The following WDR12 variants were observed in gnomAD, a reference collection of about 807,000 sequenced individuals.
WDR12 encodes the protein WD repeat domain 12, also known as ribosome biogenesis protein WDR12.
A neutral mutation model predicts 64.3 loss-of-function variants in WDR12; 42 were observed. The observed-to-expected ratio is 0.65, with a 90% CI of 0.51 to 0.84. The LOEUF is 0.84. Among genes scored for constraint, WDR12 ranks in the 40% least tolerant of loss-of-function variants. The probability of loss-of-function intolerance (pLI) is 0.00; values close to 1 mark genes in which losing one functional copy is unlikely to be tolerated. For synonymous variants in WDR12, 158 were observed against 173.3 expected (o/e 0.91, Z 0.70); for missense variants, 469 against 494.6 (o/e 0.95, Z 0.49).
intron 8 of WDR12, among the ~76,000 whole-genome samples, chr2:202,890,625 G>C (rs898357224): frequency 6.6e-6 from 1 of 151,952 alleles, no homozygotes; most frequent in African/African-American, 2.4e-5. Flanking sequence ...CAAAAAATTA[G>C]CCAGGCATGG....
chr2:202,880,781 T>A lies in WDR12; in HGVS notation c.*79A>T, dbSNP rs1055313285. The stretch of plus-strand genomic sequence containing the variant: ...AAACTTCAAAAGGCTGCTTTCTGCA[T>A]CTGCATCTATGTAATTTCATGGTTC... On this transcript the variant is annotated 3_prime_UTR_variant, in exon 13 of 13. Coordinates refer to ENST00000261015, the MANE Select transcript of WDR12 (RefSeq NM_018256.4). 1 of 1,300,708 alleles carries A rather than the reference T, an allele frequency of 7.7e-7. No individual in the cohort carries two copies. The highest frequency in any genetic ancestry group is 1.1e-6 in the Non-Finnish European group (1 of 936,242). The allele number at this position is 1,300,708 out of a possible 1,614,324, so 80.6% of individuals were successfully genotyped here. A position where few individuals can be genotyped will look rare whatever the true frequency, so the allele number is the denominator to read the frequency against.
chr2:202,905,208 C>T (rs921576267), intron 2 of WDR12, among the ~76,000 whole-genome samples: 6 of 152,204 alleles, frequency 3.9e-5, no homozygotes, highest in Non-Finnish European at 7.3e-5. Flanking sequence ...TGCAGTGGCA[C>T]GAGCTCGGCT....
At position 202,874,437 on chromosome 2, in the gene WDR12, T is replaced by C. The variant is rs1687822804; in HGVS notation, c.*6423A>G. Reference sequence around the variant, plus strand: ...GACTTGGAATGTAGGGCTCCACAAATGGGATCCAAACCTAGAGTCTTAGTT... The same window carrying C: ...GACTTGGAATGTAGGGCTCCACAAACGGGATCCAAACCTAGAGTCTTAGTT... On this transcript the variant is annotated 3_prime_UTR_variant, in exon 13 of 13. Coordinates refer to ENST00000261015, the MANE Select transcript of WDR12 (RefSeq NM_018256.4). 6.6e-6 allele frequency among the ~76,000 whole-genome samples: 1 copy of C among 152,192 alleles called. No individual in the cohort carries two copies. Among genetic ancestry groups the C allele is most frequent in the African/African-American group, 2.4e-5 (1 of 41,458 alleles).
chr2:202,892,842 T>TA, intron 7 of WDR12, 140 bp from the exon 8 acceptor site: 1 of 435,432 alleles, frequency 2.3e-6, no homozygotes, highest in South Asian at 6.1e-5. Context: ...TCATTTTGGT[T>TA]AACAGAAAGT....
intron 3 of WDR12, 104 bp from the exon 4 acceptor site, chr2:202,899,741 T>TTA (rs1688317293): frequency 2.0e-6 from 2 of 996,978 alleles, no homozygotes; most frequent in Non-Finnish European, 3.0e-6. Context: ...ATCCTTCATA[T>TTA]TAGTCCCCTT....
chr2:202,885,863 C>T (rs978440895), intron 8 of WDR12, among the ~76,000 whole-genome samples: 3 of 152,050 alleles, frequency 2.0e-5, no homozygotes, highest in African/African-American at 7.3e-5. Flanking sequence ...GGTTTGAGAA[C>T]AGCCTAGGCA....
intron 6 of WDR12, among the ~76,000 whole-genome samples, chr2:202,895,729 CA>C (rs1688228630): frequency 6.8e-6 from 1 of 146,604 alleles, no homozygotes. Flanking sequence ...AGGGTTTCTC[CA>C]TGTGGGTCAG....
At chr2:202,905,480 G>T (rs1330012539) in intron 2 of WDR12, among the ~76,000 whole-genome samples, 1 of 152,200 alleles carries the variant, frequency 6.6e-6, no homozygotes, top group East Asian at 1.9e-4. Flanking sequence ...CATAAAAAAT[G>T]CTGGTGAGGA....
At chr2:202,885,927 CAT>C (rs768634374) in intron 8 of WDR12, among the ~76,000 whole-genome samples, 7 of 152,006 alleles carry the variant, frequency 4.6e-5, no homozygotes, top group Non-Finnish European at 1.0e-4. Context: ...CTTAATGACA[CAT>C]GACTATAGTC....
intron 1 of WDR12, 141 bp downstream of exon 1, chr2:202,911,295 C>A (rs765534915): frequency 2.3e-5 from 18 of 791,350 alleles, no homozygotes; most frequent in Non-Finnish European, 3.4e-5. Flanking sequence ...ATAGAACCTA[C>A]GAAGCTGGTT....
intron 6 of WDR12, chr2:202,894,876 C>A: frequency 2.8e-6 from 1 of 351,080 alleles, no homozygotes; most frequent in South Asian, 5.6e-5. Flanking sequence ...ACTTGAGGGA[C>A]AAGACAGCGA....
intron 4 of WDR12, among the ~76,000 whole-genome samples, chr2:202,898,707 C>T (rs745754231): frequency 6.6e-6 from 1 of 152,060 alleles, no homozygotes; most frequent in Non-Finnish European, 1.5e-5. Context: ...AGGTATTAGG[C>T]CAGGAGATCT....
At chr2:202,893,798 C>A (rs72934764) in intron 7 of WDR12, among the ~76,000 whole-genome samples, 13,547 of 152,168 alleles carry the variant, frequency 0.089, 743 homozygotes, top group Non-Finnish European at 0.12. Flanking sequence ...ACCTTCCTCT[C>A]AAAGTCCTTC....
chr2:202,897,926 A>ATAT (rs1559162254), intron 4 of WDR12, among the ~76,000 whole-genome samples: 849 of 54,022 alleles, frequency 0.016, 50 homozygotes, highest in East Asian at 0.047. Context: ...TATATATATA[A>ATAT]AAAATATATA....
chr2:202,911,610 A>G lies in WDR12; in HGVS notation c.-134T>C. On this transcript the variant is annotated 5_prime_UTR_variant, in exon 1 of 13. Coordinates refer to ENST00000261015, the MANE Select transcript of WDR12 (RefSeq NM_018256.4). The stretch of plus-strand genomic sequence containing the variant: ...ACAGGTAAGCGAGGAACTGCAGTCT[A>G]AGCCTGGACTCTGCCTTCTGCCCTC... The G allele has an allele frequency of 2.5e-6, 2 of 811,756 alleles. No homozygotes were observed. The highest frequency in any genetic ancestry group is 2.0e-5 in the Admixed American group (1 of 49,990). 50.3% of individuals were successfully genotyped at this position (811,756 alleles called of 1,614,324 possible). A position where few individuals can be genotyped will look rare whatever the true frequency, so the allele number is the denominator to read the frequency against.
rs1378132212 is a variant in WDR12, at chr2:202,875,696, CCTTT to C, written c.*5160_*5163del. On this transcript the variant is annotated 3_prime_UTR_variant, in exon 13 of 13. Coordinates refer to ENST00000261015, the MANE Select transcript of WDR12 (RefSeq NM_018256.4). ...AGCCACGGCGCCCAGCCACATATAA[CCTTT>C]CTGTTAGGCAAGTGAAGACACTTCC... is the stretch of plus-strand genomic sequence containing the variant. 11 of 152,126 alleles carry C rather than the reference CCTTT, an allele frequency of 7.2e-5. No individual in the cohort carries two copies. Among genetic ancestry groups the C allele is most frequent in the East Asian group, 5.8e-4 (3 of 5,194 alleles). The allele number at this position is 152,126 out of a possible 1,614,324, so 9.4% of individuals were successfully genotyped here. A position where few individuals can be genotyped will look rare whatever the true frequency, so the allele number is the denominator to read the frequency against.
At chr2:202,907,800 T>C in intron 2 of WDR12, 65 bp downstream of exon 2, 1 of 1,361,752 alleles carries the variant, frequency 7.3e-7, no homozygotes. Context: ...AAAAAGGAAC[T>C]AAAAACTTAA....
chr2:202,875,546 G>A lies in WDR12; in HGVS notation c.*5314C>T, dbSNP rs1329209417. On this transcript the variant is annotated 3_prime_UTR_variant, in exon 13 of 13. Coordinates refer to ENST00000261015, the MANE Select transcript of WDR12 (RefSeq NM_018256.4). The stretch of plus-strand genomic sequence containing the variant: ...TGGGATTACAGGCATGTGCCACTAT[G>A]ACTGGCTAATTTTGTATTTTTAGTA... The A allele has an allele frequency of 6.6e-6, 1 of 152,052 alleles. No homozygotes were observed. The highest frequency in any genetic ancestry group is 1.5e-5 in the Non-Finnish European group (1 of 68,050). The allele number at this position is 152,052 out of a possible 1,614,324, so 9.4% of individuals were successfully genotyped here. A position where few individuals can be genotyped will look rare whatever the true frequency, so the allele number is the denominator to read the frequency against.
rs1010670834 is a variant in WDR12, at chr2:202,876,977, T to C, written c.*3883A>G. On this transcript the variant is annotated 3_prime_UTR_variant, in exon 13 of 13. Coordinates refer to ENST00000261015, the MANE Select transcript of WDR12 (RefSeq NM_018256.4). Reference sequence around the variant, plus strand: ...AACTAGTATCTTTCAAAAAATTTAATATTTTCCTTATATTTGTTATATATA... The same window carrying C: ...AACTAGTATCTTTCAAAAAATTTAACATTTTCCTTATATTTGTTATATATA... 5.3e-5 allele frequency: 8 copies of C among 152,140 alleles called. No individual in the cohort carries two copies. The highest frequency in any genetic ancestry group is 1.3e-4 in the Admixed American group (2 of 15,252). 9.4% of individuals were successfully genotyped at this position (152,140 alleles called of 1,614,324 possible).
Sources: allele counts gnomAD v4.1 joint callset (sites outside exome capture counted in the v4.1 genomes callset), GRCh38; gene constraint gnomAD v4.1.1; transcripts MANE v1.5; gene names NCBI Gene and HGNC (gene_info 2026-07-23, HGNC 2026-07-21).